Variants in NRXN3 observed in about 807,000 individuals in gnomAD.
NRXN3 encodes neurexin III.
Under a neutral mutation model 137.6 loss-of-function variants are expected in NRXN3, and 32 were observed. The observed-to-expected ratio is 0.23, with a 90% CI of 0.18 to 0.31. The LOEUF (loss-of-function observed/expected upper bound fraction) is 0.31, where lower values mean the gene tolerates loss of function less well. Ranked by LOEUF, NRXN3 falls within the 10% of genes least tolerant of loss-of-function variation. The probability of loss-of-function intolerance (pLI) is 1.00; values close to 1 mark genes in which losing one functional copy is unlikely to be tolerated. For missense variants in NRXN3, 1,574 were observed against 2,062.5 expected (o/e 0.76, Z 4.59); for synonymous variants, 798 against 784.5 (o/e 1.02, Z -0.29).
intron 4 of NRXN3, among the ~76,000 whole-genome samples, chr14:78,593,327 T>G (rs187259062): frequency 6.6e-6 from 1 of 152,316 alleles, no homozygotes; most frequent in East Asian, 1.9e-4. Flanking sequence ...ATAAAATGCC[T>G]TCTCTGAAAG....
intron 15 of NRXN3, among the ~76,000 whole-genome samples, chr14:79,002,421 A>G (rs140363245): frequency 2.0e-5 from 3 of 152,100 alleles, no homozygotes; most frequent in Non-Finnish European, 4.4e-5. Context: ...CCCTGTGTCC[A>G]CGTGTTCTCT....
intron 4 of NRXN3, among the ~76,000 whole-genome samples, chr14:78,339,925 AAG>A (rs1291755106): frequency 6.6e-6 from 1 of 152,178 alleles, no homozygotes; most frequent in Non-Finnish European, 1.5e-5. Context: ...GGGAGACAGA[AAG>A]AGAGATATTA....
intron 15 of NRXN3, among the ~76,000 whole-genome samples, chr14:79,323,585 C>A (rs143864881): frequency 1.3e-5 from 2 of 152,104 alleles, no homozygotes; most frequent in Non-Finnish European, 2.9e-5. Flanking sequence ...GTAGGCCGGG[C>A]GTGGTGGCTC....
At chr14:78,465,511 T>G (rs2095072824) in intron 4 of NRXN3, among the ~76,000 whole-genome samples, 1 of 152,062 alleles carries the variant, frequency 6.6e-6, no homozygotes, top group African/African-American at 2.4e-5. Context: ...TGACAGAGAT[T>G]TAAGGTTTTT....
At position 78,740,831 on chromosome 14, in the gene NRXN3, ACT is replaced by A. The variant is rs71926561; in HGVS notation, c.2044+25693_2044+25694del. Among the ~76,000 whole-genome samples, 1,919 of 152,098 alleles carry A rather than the reference ACT, an allele frequency of 0.013. 70 individuals carry two copies. The East Asian group carries it at 0.16, about 13-fold the overall frequency. ...TGAATTTATATTTTTTCTGGTTATG[ACT>A]TTTTTTTCTTTTGGTTAGCTCTGAT... On this transcript the variant is annotated intron_variant, in intron 8 of 20. Transcript: ENST00000335750.
intron 8 of NRXN3, among the ~76,000 whole-genome samples, chr14:78,791,847 A>T (rs975210509): frequency 4.5e-4 from 69 of 152,182 alleles, no homozygotes; most frequent in African/African-American, 1.6e-3. Flanking sequence ...TTTCCTGAAC[A>T]TATTCTGCCA....
intron 15 of NRXN3, among the ~76,000 whole-genome samples, chr14:79,168,213 G>A (rs1568483006): frequency 1.3e-5 from 2 of 151,948 alleles, no homozygotes; most frequent in African/African-American, 4.8e-5. Context: ...AAATCTATTG[G>A]CAGGGGATAA....
intron 19 of NRXN3, among the ~76,000 whole-genome samples, chr14:79,732,422 G>A (rs973335300): frequency 6.6e-6 from 1 of 152,098 alleles, no homozygotes; most frequent in Non-Finnish European, 1.5e-5. Context: ...TCACAGAAGC[G>A]GTCCTATCTG....
chr14:79,177,846 T>G (rs2062502615), intron 15 of NRXN3, among the ~76,000 whole-genome samples: 1 of 152,262 alleles, frequency 6.6e-6, no homozygotes, highest in African/African-American at 2.4e-5. Context: ...TACTCTTGAT[T>G]TCTTAAGCAT....
At chr14:78,813,481 A>G (rs1241505122) in intron 10 of NRXN3, among the ~76,000 whole-genome samples, 1 of 152,112 alleles carries the variant, frequency 6.6e-6, no homozygotes, top group Non-Finnish European at 1.5e-5. Context: ...TAGAAGTCAT[A>G]GGGTACCTTG....
intron 8 of NRXN3, among the ~76,000 whole-genome samples, chr14:78,778,437 T>C (rs183017316): frequency 6.6e-5 from 10 of 152,310 alleles, no homozygotes; most frequent in Admixed American, 5.9e-4. Context: ...AAAATACAAT[T>C]ATTGGTCAGA....
At chr14:78,943,629 T>TATATAA (rs2099359132) in intron 10 of NRXN3, among the ~76,000 whole-genome samples, 5 of 11,844 alleles carry the variant, frequency 4.2e-4, no homozygotes, top group African/African-American at 2.0e-3. Context: ...AAAATATATA[T>TATATAA]ATATATATAT....
chr14:79,701,931 C>T (rs749747417), intron 19 of NRXN3, among the ~76,000 whole-genome samples: 13 of 151,956 alleles, frequency 8.6e-5, no homozygotes, highest in East Asian at 3.9e-4. Flanking sequence ...AGACTGCATG[C>T]GTTTTAACCA....
intron 4 of NRXN3, among the ~76,000 whole-genome samples, chr14:78,540,261 G>A (rs1224327309): frequency 1.3e-5 from 2 of 152,004 alleles, no homozygotes; most frequent in African/African-American, 2.4e-5. Context: ...TGTAGGTCTC[G>A]AAGGACTTGC....
At chr14:78,330,534 T>C (rs1480998818) in intron 4 of NRXN3, among the ~76,000 whole-genome samples, 1 of 152,180 alleles carries the variant, frequency 6.6e-6, no homozygotes, top group Non-Finnish European at 1.5e-5. Context: ...CTCCATCATA[T>C]TACATTAATC....
At chr14:78,464,408 G>T (rs1182742189) in intron 4 of NRXN3, among the ~76,000 whole-genome samples, 3 of 152,162 alleles carry the variant, frequency 2.0e-5, no homozygotes, top group African/African-American at 7.2e-5. Context: ...TAAGGGAGGA[G>T]GCTGTTGGGA....
At chr14:78,373,343 C>T (rs2087211383) in intron 4 of NRXN3, among the ~76,000 whole-genome samples, 1 of 152,180 alleles carries the variant, frequency 6.6e-6, no homozygotes, top group Non-Finnish European at 1.5e-5. Context: ...AGAGGAAGAA[C>T]AAACACTATA....
At chr14:78,341,236 A>G (rs1344012111) in intron 4 of NRXN3, among the ~76,000 whole-genome samples, 1 of 152,080 alleles carries the variant, frequency 6.6e-6, no homozygotes, top group Non-Finnish European at 1.5e-5. Flanking sequence ...GGTAATTTGA[A>G]AAAGCCTCCT....
At chr14:78,457,434 G>A (rs1466378115) in intron 4 of NRXN3, among the ~76,000 whole-genome samples, 1 of 152,182 alleles carries the variant, frequency 6.6e-6, no homozygotes, top group Admixed American at 6.5e-5. Context: ...TTAGGTGATA[G>A]AGGAGAGGGT....
Sources: gnomAD v4.1 joint callset for allele counts (sites outside exome capture counted in the v4.1 genomes callset) on GRCh38, gnomAD v4.1.1 for gene constraint, MANE v1.5 for transcripts, NCBI Gene and HGNC (gene_info 2026-07-23, HGNC 2026-07-21) for gene names.